CD6: variants seen among roughly 807,000 people sequenced by gnomAD.
CD6 encodes the protein T-cell differentiation antigen CD6.
CD6 carries 53 observed loss-of-function variants against 75.3 expected under a neutral mutation model. The ratio of observed to expected loss-of-function variants is 0.70; its 90% CI spans 0.56 to 0.88. The LOEUF (loss-of-function observed/expected upper bound fraction) is 0.88. Among genes scored for constraint, CD6 ranks in the 40% least tolerant of loss-of-function variants. The pLI is 0.00. For missense variants in CD6, 770 were observed against 897.1 expected, an observed-to-expected ratio of 0.86 and a Z score of 1.81; for synonymous variants, 359 against 381.5, an observed-to-expected ratio of 0.94 and a Z score of 0.69.
chr11:60,998,411 A>C (rs1249808220), intron 1 of CD6, among the ~76,000 whole-genome samples: 1 of 152,246 alleles, frequency 6.6e-6, no homozygotes, highest in Non-Finnish European at 1.5e-5. Flanking sequence ...ACAAGATCAA[A>C]ATCTCATCAA....
chr11:60,988,397 A>T (rs542379263), intron 1 of CD6, among the ~76,000 whole-genome samples: 1 of 152,258 alleles, frequency 6.6e-6, no homozygotes, highest in East Asian at 1.9e-4. Flanking sequence ...GCTGTTAAGG[A>T]CGCAAGGTGG....
At chr11:61,000,641 C>T (rs1858535878) in intron 1 of CD6, among the ~76,000 whole-genome samples, 1 of 152,208 alleles carries the variant, frequency 6.6e-6, no homozygotes, top group African/African-American at 2.4e-5. Flanking sequence ...CAGCGGGAGG[C>T]TCAGCTTTCC....
At chr11:61,011,953 G>A (rs993872483) in intron 6 of CD6, among the ~76,000 whole-genome samples, 1 of 152,206 alleles carries the variant, frequency 6.6e-6, no homozygotes, top group Non-Finnish European at 1.5e-5. Flanking sequence ...TTAGAACAGA[G>A]CCTCAAAGAC....
At position 61,019,993 on chromosome 11, in the gene CD6, C is replaced by G. The variant is rs1029573161; in HGVS notation, c.*675C>G. 4 of 396,960 alleles carry G rather than the reference C, an allele frequency of 1.0e-5. No homozygotes were observed. Among genetic ancestry groups the G allele is most frequent in the African/African-American group, 4.1e-5 (2 of 48,742 alleles). The allele number at this position is 396,960 out of a possible 1,614,324, so 24.6% of individuals were successfully genotyped here. A position where few individuals can be genotyped will look rare whatever the true frequency, so the allele number is the denominator to read the frequency against. The stretch of plus-strand genomic sequence containing the variant: ...CAAGGCCAGTCCTGCCCCAGAGACA[C>G]TCCAAGTCCGCCAGGGGCACAGACC... On this transcript the variant is annotated 3_prime_UTR_variant, in exon 13 of 13. Coordinates refer to ENST00000313421, the MANE Select transcript of CD6 (RefSeq NM_006725.5).
At chr11:60,994,457 C>CAAAAAAAAAAAAAAA (rs61349237) in intron 1 of CD6, among the ~76,000 whole-genome samples, 5,241 of 52,678 alleles carry the variant, frequency 0.099, 572 homozygotes, top group Middle Eastern at 0.15. Flanking sequence ...ACACCCCCGC[C>CAAAAAAAAAAAAAAA]AAAAAAAAAA....
intron 1 of CD6, among the ~76,000 whole-genome samples, chr11:60,986,553 T>C (rs963742473): frequency 2.0e-5 from 3 of 152,210 alleles, no homozygotes; most frequent in Non-Finnish European, 4.4e-5. Flanking sequence ...CCTGCATCTG[T>C]GGGGGCTGCC....
chr11:61,000,168 C>T (rs796866486), intron 1 of CD6, among the ~76,000 whole-genome samples: 22 of 152,292 alleles, frequency 1.4e-4, no homozygotes, highest in African/African-American at 5.3e-4. Context: ...AGTTCCAAAG[C>T]ATGGACTTTA....
chr11:60,979,591 C>T lies in CD6; in HGVS notation c.49+7677C>T, dbSNP rs189486341. ...AAGCAATTCTCCTGCCTCAGCCTCC[C>T]GAGTAAGGGGACCATAGGCACCCAC... On this transcript the variant is annotated intron_variant, in intron 1 of 12. Coordinates refer to ENST00000313421, the MANE Select transcript of CD6 (RefSeq NM_006725.5). 8.7e-3 allele frequency among the ~76,000 whole-genome samples: 1,325 copies of T among 152,126 alleles called. 6 individuals carry two copies. Among genetic ancestry groups the T allele is most frequent in the Middle Eastern group, 0.017 (5 of 294 alleles).
chr11:60,987,907 G>A (rs1234993942), intron 1 of CD6: 4 of 152,214 alleles, frequency 2.6e-5, no homozygotes, highest in Non-Finnish European at 4.4e-5. Context: ...TCCTCCACCA[G>A]GGCATGGGGC....
rs970248953 is a variant in CD6 at position 61,020,286 on chromosome 11, G to T, written c.*968G>T. ...TGCACCCGGGGCTGCAAACGTCTCC[G>T]TGCAGCCCCCAGAGAGAGGCCCATG... On this transcript the variant is annotated 3_prime_UTR_variant, in exon 13 of 13. Transcript: ENST00000313421. 5.0e-6 allele frequency: 2 copies of T among 398,844 alleles called. No individual in the cohort carries two copies. Among genetic ancestry groups the T allele is most frequent in the Non-Finnish European group, 4.4e-6 (1 of 226,072 alleles). 24.7% of individuals were successfully genotyped at this position (398,844 alleles called of 1,614,324 possible). A position where few individuals can be genotyped will look rare whatever the true frequency, so the allele number is the denominator to read the frequency against.
intron 1 of CD6, among the ~76,000 whole-genome samples, chr11:60,977,170 T>C (rs552721428): frequency 2.7e-4 from 41 of 152,266 alleles, no homozygotes; most frequent in Non-Finnish European, 5.1e-4. Context: ...GCTTTATTTA[T>C]TATATTTATA....
intron 1 of CD6, among the ~76,000 whole-genome samples, chr11:60,999,779 G>T (rs1858491141): frequency 6.6e-6 from 1 of 152,030 alleles, no homozygotes; most frequent in South Asian, 2.1e-4. Flanking sequence ...GGGTTCTGTG[G>T]CTCACGCCTG....
In CD6 at chr11:61,017,570, G is replaced by T; in HGVS notation, c.1582+20G>T. The T allele has an allele frequency of 1.3e-6, 2 of 1,561,316 alleles. No homozygotes were observed. The highest frequency in any genetic ancestry group is 1.7e-6 in the Non-Finnish European group (2 of 1,149,658). On this transcript the variant is annotated intron_variant, in intron 10 of 12. Transcript: ENST00000313421. The stretch of plus-strand genomic sequence containing the variant: ...AGGAAGGTGAGTCAGGATGGGAAGG[G>T]GTGTGAATGGCAGTCCCACCTCCAG...
At chr11:60,973,463 T>C (rs1857264295) in intron 1 of CD6, among the ~76,000 whole-genome samples, 1 of 152,252 alleles carries the variant, frequency 6.6e-6, no homozygotes, top group African/African-American at 2.4e-5. Context: ...GATATTTACT[T>C]GACTCACTTG....
rs115893103 is a variant in CD6, at chr11:60,993,508, G to A, written c.50-13066G>A. On this transcript the variant is annotated intron_variant, in intron 1 of 12. Coordinates refer to ENST00000313421, the MANE Select transcript of CD6 (RefSeq NM_006725.5). Reference sequence around the variant, plus strand: ...AGCTACCATATACCGCGTCCTAAGCGTTTTACGAAGATCACCCACCCGTGC... The same window carrying A: ...AGCTACCATATACCGCGTCCTAAGCATTTTACGAAGATCACCCACCCGTGC... 6.7e-3 allele frequency among the ~76,000 whole-genome samples: 1,010 copies of A among 149,830 alleles called. 9 individuals carry two copies. Among genetic ancestry groups the A allele is most frequent in the African/African-American group, 0.021 (877 of 41,406 alleles).
At chr11:61,004,152 G>A (rs962231621) in intron 1 of CD6, among the ~76,000 whole-genome samples, 1 of 152,192 alleles carries the variant, frequency 6.6e-6, no homozygotes, top group Non-Finnish European at 1.5e-5. Context: ...ACAGAGCAGA[G>A]CTAAAGCCCC....
At chr11:61,018,251 T>A in intron 11 of CD6, 38 bp from the exon 12 acceptor site, 1 of 1,505,990 alleles carries the variant, frequency 6.6e-7, no homozygotes, top group East Asian at 2.4e-5. Flanking sequence ...GAAGTGGCTG[T>A]GTGCTGGCAG....
Position 61,013,570 on chromosome 11 carries a change from G to C in CD6, c.1291+7G>C. ...AGAATTAAAGGAAAATATGGTAAGT[G>C]CAAGGTTCTGGGAGCCATGGCCATC... On this transcript the variant is annotated splice_region_variant and intron_variant, in intron 7 of 12. Coordinates refer to ENST00000313421, the MANE Select transcript of CD6 (RefSeq NM_006725.5). 6 of 1,613,974 alleles carry C rather than the reference G, an allele frequency of 3.7e-6. No homozygotes were observed. The highest frequency in any genetic ancestry group is 5.1e-6 in the Non-Finnish European group (6 of 1,179,954).
intron 1 of CD6, among the ~76,000 whole-genome samples, chr11:60,981,653 C>T (rs1857562556): frequency 1.3e-5 from 2 of 152,184 alleles, no homozygotes; most frequent in Admixed American, 1.3e-4. Flanking sequence ...GACCTGTGGC[C>T]ACAGCTGCTG....
Sources: allele counts gnomAD v4.1 joint callset (sites outside exome capture counted in the v4.1 genomes callset), GRCh38; gene constraint gnomAD v4.1.1; transcripts MANE v1.5; gene names NCBI Gene and HGNC (gene_info 2026-07-23, HGNC 2026-07-21).